EVC: variants seen among roughly 807,000 people sequenced by gnomAD.
The protein encoded by EVC is evC complex member EVC.
Under a neutral mutation model 118.9 loss-of-function variants are expected in EVC, and 116 were observed. That is an observed-to-expected ratio of 0.98 (90% CI 0.84 to 1.14). EVC has a LOEUF of 1.14. Among genes scored for constraint, EVC ranks in the 50% most tolerant of loss-of-function variants. EVC has a pLI of 0.00. For synonymous variants in EVC, 619 were observed against 534.7 expected, an observed-to-expected ratio of 1.16 and a Z score of -2.18; for missense variants, 1,401 against 1,246.4, an observed-to-expected ratio of 1.12 and a Z score of -1.87.
chr4:5,763,256 A>C (rs2152128300), intron 11 of EVC, among the ~76,000 whole-genome samples: 1 of 144,670 alleles, frequency 6.9e-6, no homozygotes, highest in Admixed American at 6.9e-5. Flanking sequence ...TGTTCCATTG[A>C]TCTATATCTG....
chr4:5,751,363 C>G (rs1019552098), intron 8 of EVC, among the ~76,000 whole-genome samples: 6 of 152,204 alleles, frequency 3.9e-5, no homozygotes. Context: ...AATATAAGCA[C>G]ATCGATTGCA....
intron 4 of EVC, among the ~76,000 whole-genome samples, chr4:5,732,836 C>A (rs1727038277): frequency 1.3e-5 from 2 of 152,036 alleles, no homozygotes; most frequent in African/African-American, 4.8e-5. Context: ...ATAGTGAGAC[C>A]CCATCTCTAA....
rs1168182247 is a variant in EVC at position 5,731,754 on chromosome 4, G to A, written c.617+97G>A. ...AGAGGAGGAAACAGAGGCCCAGAGA[G>A]GTTCAGTGACTCTGCCAGGGACACA... On this transcript the variant is annotated intron_variant, in intron 4 of 20. Transcript: ENST00000264956. This position sits in a 1 kb window ranked among gnomAD's most constrained non-coding sequence, Gnocchi z 5.6. 3 of 1,243,766 alleles carry A rather than the reference G, an allele frequency of 2.4e-6. No homozygotes were observed. The highest frequency in any genetic ancestry group is 2.5e-5 in the East Asian group (1 of 39,558). 77.0% of individuals were successfully genotyped at this position (1,243,766 alleles called of 1,614,324 possible).
chr4:5,784,937 A>C (rs1456290086), intron 12 of EVC, among the ~76,000 whole-genome samples: 1 of 152,152 alleles, frequency 6.6e-6, no homozygotes, highest in Non-Finnish European at 1.5e-5. Context: ...AAAAATTAAA[A>C]ACTGTTAAAT....
the EVC span, chr4:5,826,651 C>G: frequency 2.0e-5 from 3 of 152,296 alleles, no homozygotes; most frequent in Non-Finnish European, 2.9e-5. Context: ...GGGAGGGCAC[C>G]TGCTCCAGGC....
At chr4:5,816,459 G>A (rs757663065), downstream of EVC, among the ~76,000 whole-genome samples, 1 of 152,148 alleles carries the variant, frequency 6.6e-6, no homozygotes, top group African/African-American at 2.4e-5. Flanking sequence ...CACATGACAG[G>A]GCTCCTCCAG....
At chr4:5,793,128 T>A (rs1333329965) in intron 12 of EVC, among the ~76,000 whole-genome samples, 1 of 152,198 alleles carries the variant, frequency 6.6e-6, no homozygotes, top group Non-Finnish European at 1.5e-5. Flanking sequence ...CTACCCTCGC[T>A]GCATTGATAT....
At chr4:5,790,895 A>T (rs1244749046) in intron 12 of EVC, among the ~76,000 whole-genome samples, 1 of 152,160 alleles carries the variant, frequency 6.6e-6, no homozygotes, top group African/African-American at 2.4e-5. Flanking sequence ...GGAGTTCAAG[A>T]CCAGCCTGTC....
chr4:5,726,665 C>T (rs2151901294), intron 2 of EVC, among the ~76,000 whole-genome samples: 1 of 150,426 alleles, frequency 6.6e-6, no homozygotes, highest in African/African-American at 2.4e-5. Context: ...TGGTGCGCTG[C>T]ACCCACTAAC....
intron 17 of EVC, among the ~76,000 whole-genome samples, chr4:5,805,434 G>A (rs1040716736): frequency 6.6e-6 from 1 of 152,196 alleles, no homozygotes; most frequent in African/African-American, 2.4e-5. Context: ...AAGCTGCTCA[G>A]TAACAGGTGT....
the EVC span, chr4:5,821,782 G>C: frequency 2.5e-5 from 40 of 1,611,104 alleles, no homozygotes; most frequent in Non-Finnish European, 3.1e-5. The surrounding 1 kb of genome is among the most constrained non-coding windows in gnomAD (Gnocchi z 4.4). Flanking sequence ...GGTGATGTTG[G>C]AGCGGCCACC....
chr4:5,825,666 A>G, the EVC span: 4 of 1,612,258 alleles, frequency 2.5e-6, no homozygotes, highest in African/African-American at 2.7e-5. This position sits in a 1 kb window ranked among gnomAD's most constrained non-coding sequence, Gnocchi z 4.4. Flanking sequence ...AAACCTAAAC[A>G]GAGGAAGGGA....
At position 5,711,510 on chromosome 4, in the gene EVC, CT is replaced by C; in HGVS notation, c.133del (p.Trp45GlyfsTer71). On this transcript the variant is annotated frameshift_variant, in exon 1 of 21. Transcript: ENST00000264956. LOFTEE classifies it high-confidence loss of function. Reference protein sequence around the residue: ...LGAALGLGLGLWLGCRAGRQR... With the variant: ...LGAALGLGLGXWLGCRAGRQR... ...CGCCGCGCTCGGCCTCGGCCTCGGC[CT>C]TTGGCTTGGCTGCCGCGCGGGCCGC... 8.6e-7 allele frequency: 1 copy of C among 1,166,786 alleles called. No homozygotes were observed. The highest frequency in any genetic ancestry group is 1.1e-6 in the Non-Finnish European group (1 of 946,804). The allele number at this position is 1,166,786 out of a possible 1,614,324, so 72.3% of individuals were successfully genotyped here.
intron 11 of EVC, among the ~76,000 whole-genome samples, chr4:5,776,332 C>A (rs1281317061): frequency 6.6e-6 from 1 of 152,018 alleles, no homozygotes; most frequent in Non-Finnish European, 1.5e-5. Context: ...ATCTGCTATT[C>A]ATGTAGCAAA....
chr4:5,800,205 TGTA>T (rs1714719207), intron 15 of EVC, among the ~76,000 whole-genome samples: 1 of 151,876 alleles, frequency 6.6e-6, no homozygotes, highest in Non-Finnish European at 1.5e-5. Context: ...ATTAGCTAGG[TGTA>T]GTGGTGTGCG....
intron 11 of EVC, among the ~76,000 whole-genome samples, chr4:5,778,000 C>T (rs1401199003): frequency 6.7e-6 from 1 of 150,002 alleles, no homozygotes; most frequent in East Asian, 2.0e-4. Flanking sequence ...CCCCCTACCC[C>T]ACAACAGTCC....
At chr4:5,805,416 T>C (rs1004115288) in intron 17 of EVC, among the ~76,000 whole-genome samples, 2 of 152,144 alleles carry the variant, frequency 1.3e-5, no homozygotes, top group African/African-American at 4.8e-5. Flanking sequence ...GACCGGGCTG[T>C]TCTTAGGAAG....
Position 5,711,488 on chromosome 4 carries a change from C to G in EVC, c.108C>G (p.Ala36=). 1 of 1,115,794 alleles carries G rather than the reference C, an allele frequency of 9.0e-7. No homozygotes were observed. Among genetic ancestry groups the G allele is most frequent in the Non-Finnish European group, 1.1e-6 (1 of 915,796 alleles). The allele number at this position is 1,115,794 out of a possible 1,614,324, so 69.1% of individuals were successfully genotyped here. A position where few individuals can be genotyped will look rare whatever the true frequency, so the allele number is the denominator to read the frequency against. Residue 36 remains alanine (A), a synonymous_variant, in exon 1 of 21, where the codon GCC becomes GCG. Coordinates refer to ENST00000264956, the MANE Select transcript of EVC (RefSeq NM_153717.3). ...ALLAPAVLLG[A]ALGLGLGLWL... ...TGGCCCCCGCCGTGCTGCTGGGCGCCGCGCTCGGCCTCGGCCTCGGCCTTT... is the reference window on the plus strand; with the variant it reads ...TGGCCCCCGCCGTGCTGCTGGGCGCGGCGCTCGGCCTCGGCCTCGGCCTTT...
chr4:5,816,755 T>C (rs1274321722), downstream of EVC, among the ~76,000 whole-genome samples: 1 of 147,090 alleles, frequency 6.8e-6, no homozygotes, highest in Non-Finnish European at 1.5e-5. Context: ...ATCGCAAATC[T>C]GTGGGCTCTG....
Sources: gnomAD v4.1 joint callset for allele counts (sites outside exome capture counted in the v4.1 genomes callset) on GRCh38, gnomAD v4.1.1 for gene constraint, Gnocchi (gnomAD v3.1) non-coding constraint, MANE v1.5 for transcripts, NCBI Gene and HGNC (gene_info 2026-07-23, HGNC 2026-07-21) for gene names.